The following RIMBP2 variants were observed in gnomAD, a reference collection of about 807,000 sequenced individuals.
RIMBP2 encodes the protein RIMS binding protein 2, also known as RIMS-binding protein 2.
A neutral mutation model predicts 118.6 loss-of-function variants in RIMBP2; 48 were observed. That is an observed-to-expected ratio of 0.40 (90% CI 0.32 to 0.51). RIMBP2 has a LOEUF of 0.51. Ranked by LOEUF, RIMBP2 falls within the 20% of genes least tolerant of loss-of-function variation. The pLI, the probability that RIMBP2 is intolerant of heterozygous loss-of-function variation, is 0.41. For synonymous variants in RIMBP2, 762 were observed against 742.9 expected (o/e 1.03, Z -0.42); for missense variants, 1,551 against 1,768.3 (o/e 0.88, Z 2.20).
intron 1 of RIMBP2, among the ~76,000 whole-genome samples, chr12:130,675,465 G>C (rs2064413018): frequency 6.6e-6 from 1 of 152,116 alleles, no homozygotes; most frequent in Non-Finnish European, 1.5e-5. Flanking sequence ...CTGGGTTCCT[G>C]CCTCCCCTTC....
At chr12:130,514,877 T>C (rs555031592) in intron 3 of RIMBP2, among the ~76,000 whole-genome samples, 2 of 147,414 alleles carry the variant, frequency 1.4e-5, no homozygotes, top group East Asian at 2.0e-4. Flanking sequence ...TCAGGATATA[T>C]TAAGACACTT....
At chr12:130,610,856 G>A (rs929492410) in intron 2 of RIMBP2, among the ~76,000 whole-genome samples, 6 of 152,178 alleles carry the variant, frequency 3.9e-5, no homozygotes, top group South Asian at 2.1e-4. Flanking sequence ...CACCGCGCCC[G>A]GCCATTTTCC....
intron 6 of RIMBP2, 104 bp from the exon 7 acceptor site, chr12:130,456,804 G>A: frequency 5.0e-6 from 4 of 804,796 alleles, no homozygotes; most frequent in Non-Finnish European, 7.9e-6. Context: ...TGCACTGTGT[G>A]CACGTGTGTA....
chr12:130,568,781 C>CT (rs1176618686), intron 2 of RIMBP2, among the ~76,000 whole-genome samples: 1 of 152,164 alleles, frequency 6.6e-6, no homozygotes, highest in Non-Finnish European at 1.5e-5. Flanking sequence ...TTCACAAACT[C>CT]TTTTTTTCCA....
In RIMBP2 at chr12:130,617,130, C is replaced by A. The variant is rs968293991; in HGVS notation, c.-217+11192G>T. Among the ~76,000 whole-genome samples, 2 of 152,166 alleles carry A rather than the reference C, an allele frequency of 1.3e-5. No individual in the cohort carries two copies. Among genetic ancestry groups the A allele is most frequent in the African/African-American group, 4.8e-5 (2 of 41,434 alleles). On this transcript the variant is annotated intron_variant, in intron 2 of 22. Transcript: ENST00000690449. The surrounding 1 kb of genome is among the most constrained non-coding windows in gnomAD (Gnocchi z 4.6). ...CTGTGGGCCAGGCCTGGTGCTGAGACCCTACCAGTCTCTTCTGTGTTTCAT... is the reference window on the plus strand; with the variant it reads ...CTGTGGGCCAGGCCTGGTGCTGAGAACCTACCAGTCTCTTCTGTGTTTCAT...
intron 4 of RIMBP2, among the ~76,000 whole-genome samples, chr12:130,494,661 G>C (rs2048973306): frequency 1.6e-5 from 2 of 124,038 alleles, no homozygotes; most frequent in South Asian, 5.5e-4. Context: ...AGAAAGAAAA[G>C]AAAAGAAAGA....
chr12:130,398,956 T>G (rs2074267549), intron 22 of RIMBP2: 1 of 358,204 alleles, frequency 2.8e-6, no homozygotes. Context: ...TGAGACCAAG[T>G]AATATTCTAA....
rs73446589 is a variant in RIMBP2 at position 130,498,919 on chromosome 12, G to A, written c.-4+7729C>T. 8.0e-3 allele frequency among the ~76,000 whole-genome samples: 1,210 copies of A among 152,192 alleles called. 17 individuals are homozygous for A. Among genetic ancestry groups the A allele is most frequent in the African/African-American group, 0.028 (1,153 of 41,528 alleles). On this transcript the variant is annotated intron_variant, in intron 4 of 22. Coordinates refer to ENST00000690449, the MANE Select transcript of RIMBP2 (RefSeq NM_001393629.1). ...CACTAATCTCAGCCACTCAATTTTG[G>A]GGTTGCATTAGTCCATTCTCACACT...
At chr12:130,568,601 T>C (rs1022549855) in intron 2 of RIMBP2, among the ~76,000 whole-genome samples, 10 of 152,216 alleles carry the variant, frequency 6.6e-5, no homozygotes, top group African/African-American at 2.4e-4. Flanking sequence ...GAGACTCCAG[T>C]GGCAATGAAA....
Position 130,422,567 on chromosome 12 carries a change from G to A in RIMBP2, c.3130-6C>T, listed in dbSNP as rs1035006938. On this transcript the variant is annotated splice_region_variant and splice_polypyrimidine_tract_variant and intron_variant, in intron 16 of 22. Transcript: ENST00000690449. This position sits in a 1 kb window ranked among gnomAD's most constrained non-coding sequence, Gnocchi z 5.2. ...GAGGCTGGGTTCCCTAAAATCTAAA[G>A]ACAAAACAACAACAAAGTCGTAAGT... 4.4e-6 allele frequency: 7 copies of A among 1,592,064 alleles called. No individual in the cohort carries two copies. The highest frequency in any genetic ancestry group is 6.0e-6 in the Non-Finnish European group (7 of 1,166,094).
intron 1 of RIMBP2, among the ~76,000 whole-genome samples, chr12:130,650,490 C>T (rs1450604892): frequency 6.6e-6 from 1 of 152,260 alleles, no homozygotes; most frequent in Admixed American, 6.5e-5. Context: ...CAGGGAAGCC[C>T]TGCCATAGGG....
At chr12:130,573,312 T>C (rs955494342) in intron 2 of RIMBP2, among the ~76,000 whole-genome samples, 1 of 152,128 alleles carries the variant, frequency 6.6e-6, no homozygotes, top group Non-Finnish European at 1.5e-5. Flanking sequence ...AACTGTTGGA[T>C]TGCAGTAGGA....
In RIMBP2 at chr12:130,438,351, C is replaced by CCAAAA; in HGVS notation, c.1656+13_1656+14insTTTTG. On this transcript the variant is annotated intron_variant, in intron 12 of 22. Transcript: ENST00000690449. The stretch of plus-strand genomic sequence containing the variant: ...GCCTAACAAACCCTCCCCACCCACC[C>CCAAAA]AACGAAAACTCACCCTCTGCCCTTT... 6.3e-7 allele frequency: 1 copy of CCAAAA among 1,589,922 alleles called. No homozygotes were observed.
chr12:130,507,151 G>A (rs997595324), intron 3 of RIMBP2, among the ~76,000 whole-genome samples: 1 of 152,194 alleles, frequency 6.6e-6, no homozygotes, highest in Non-Finnish European at 1.5e-5. Flanking sequence ...GAACCCGGAA[G>A]AACTCTCCCT....
At chr12:130,664,415 A>ACGCACGCACG (rs1195044326) in intron 1 of RIMBP2, among the ~76,000 whole-genome samples, 2 of 130,590 alleles carry the variant, frequency 1.5e-5, no homozygotes, top group African/African-American at 5.6e-5. Flanking sequence ...ACGCACGCAC[A>ACGCACGCACG]CACACGCACA....
intron 7 of RIMBP2, among the ~76,000 whole-genome samples, chr12:130,455,956 G>A (rs532799583): frequency 1.3e-5 from 2 of 152,220 alleles, no homozygotes; most frequent in South Asian, 4.2e-4. Flanking sequence ...TCCCCACCCG[G>A]CCTCTAAGCA....
chr12:130,544,541 TAGCAGGC>T (rs1366395822), intron 2 of RIMBP2, among the ~76,000 whole-genome samples: 5 of 150,804 alleles, frequency 3.3e-5, no homozygotes, highest in Admixed American at 3.3e-4. Context: ...GCCTATACCA[TAGCAGGC>T]AGCAGAGTGT....
intron 2 of RIMBP2, among the ~76,000 whole-genome samples, chr12:130,519,731 G>C (rs1022730944): frequency 3.3e-5 from 5 of 152,154 alleles, no homozygotes; most frequent in African/African-American, 1.2e-4. Flanking sequence ...GAGAACAAGA[G>C]ACATTTGAAA....
chr12:130,689,135 C>G (rs2065202504), intron 1 of RIMBP2, among the ~76,000 whole-genome samples: 1 of 152,214 alleles, frequency 6.6e-6, no homozygotes, highest in Non-Finnish European at 1.5e-5. Flanking sequence ...GCCAACACAG[C>G]TGCACCAAAC....
Sources: allele counts gnomAD v4.1 joint callset (sites outside exome capture counted in the v4.1 genomes callset), GRCh38; gene constraint gnomAD v4.1.1; non-coding constraint Gnocchi (gnomAD v3.1); transcripts MANE v1.5; gene names NCBI Gene and HGNC (gene_info 2026-07-23, HGNC 2026-07-21).